EYA4: variants seen among roughly 807,000 people sequenced by gnomAD.
The protein encoded by EYA4 is EYA transcriptional coactivator and phosphatase 4, also known as protein phosphatase EYA4.
In EYA4, 31 loss-of-function variants were observed where a neutral mutation model predicts 87.9. The ratio of observed to expected loss-of-function variants is 0.35; its 90% CI spans 0.27 to 0.48. The LOEUF is 0.48. EYA4 is among the 20% of genes least tolerant of loss of function. The pLI, the probability that EYA4 is intolerant of heterozygous loss-of-function variation, is 0.99. For synonymous variants in EYA4, 263 were observed against 270.6 expected, an observed-to-expected ratio of 0.97 and a Z score of 0.28; for missense variants, 678 against 761.4, an observed-to-expected ratio of 0.89 and a Z score of 1.29.
intron 2 of EYA4, chr6:133,363,047 C>T (rs958776869): frequency 1.3e-5 from 2 of 152,238 alleles, no homozygotes; most frequent in East Asian, 1.9e-4. Flanking sequence ...CTGCCCAGTC[C>T]GATGAAGGAG....
chr6:133,421,273 A>G (rs1790197401), intron 3 of EYA4, among the ~76,000 whole-genome samples: 1 of 152,218 alleles, frequency 6.6e-6, no homozygotes, highest in Non-Finnish European at 1.5e-5. Context: ...TTCCAGCATC[A>G]GTGTCATTCA....
rs146887141 is a variant in EYA4, at chr6:133,383,985, A to C, written c.83+1544A>C. Among the ~76,000 whole-genome samples the C allele has an allele frequency of 6.0e-4, 91 of 152,296 alleles. 2 individuals are homozygous for C. Among genetic ancestry groups the C allele is most frequent in the Non-Finnish European group, 1.5e-5 (1 of 68,016 alleles). ...TTGCTTTTTAAGGATGATATATGTA[A>C]TTAGATAATTTTTGCAAGCAGCTGG... On this transcript the variant is annotated intron_variant, in intron 3 of 19. Coordinates refer to ENST00000355286, the MANE Select transcript of EYA4 (RefSeq NM_004100.5).
intron 1 of EYA4, among the ~76,000 whole-genome samples, chr6:133,259,016 A>C (rs965086225): frequency 6.6e-6 from 1 of 152,136 alleles, no homozygotes; most frequent in Admixed American, 6.6e-5. Flanking sequence ...TAAATGTGAT[A>C]CTTTGGTATA....
In EYA4 at chr6:133,315,949, A is replaced by C. The variant is rs79813450; in HGVS notation, c.33+41136A>C. On this transcript the variant is annotated intron_variant, in intron 2 of 19. Transcript: ENST00000355286. Reference sequence around the variant, plus strand: ...GGAACAGAGTGTTTTTTGAAGTGTCAGCAGCAAGGTCTGGCTAATGGGAGC... The same window carrying C: ...GGAACAGAGTGTTTTTTGAAGTGTCCGCAGCAAGGTCTGGCTAATGGGAGC... Among the ~76,000 whole-genome samples, 890 of 152,262 alleles carry C rather than the reference A, an allele frequency of 5.8e-3. 13 individuals are homozygous for C. The highest frequency in any genetic ancestry group is 0.02 in the African/African-American group (846 of 41,556).
intron 1 of EYA4, among the ~76,000 whole-genome samples, chr6:133,253,961 G>T (rs575557833): frequency 6.6e-6 from 1 of 152,234 alleles, no homozygotes; most frequent in South Asian, 2.1e-4. Context: ...AAGGGCATTA[G>T]GTCCCAAACC....
chr6:133,302,149 G>C (rs1243865014), intron 2 of EYA4, among the ~76,000 whole-genome samples: 2 of 152,196 alleles, frequency 1.3e-5, no homozygotes, highest in Non-Finnish European at 2.9e-5. Flanking sequence ...TACGCAGTGT[G>C]AACACTGGGG....
intron 3 of EYA4, among the ~76,000 whole-genome samples, chr6:133,433,420 T>C (rs1033499995): frequency 6.6e-6 from 1 of 152,250 alleles, no homozygotes; most frequent in Admixed American, 6.5e-5. Flanking sequence ...CCCGATGAAC[T>C]GATATAAATC....
chr6:133,463,059 G>A (rs1017948192), intron 9 of EYA4, among the ~76,000 whole-genome samples: 7 of 152,094 alleles, frequency 4.6e-5, no homozygotes, highest in South Asian at 2.1e-4. Context: ...CACATTTGGC[G>A]TCTACTTAAG....
intron 2 of EYA4, among the ~76,000 whole-genome samples, chr6:133,350,440 A>G (rs553793286): frequency 1.3e-5 from 2 of 152,234 alleles, no homozygotes; most frequent in African/African-American, 2.4e-5. Flanking sequence ...TGATGAGGGT[A>G]TGTTTGAAAT....
At chr6:133,400,402 G>A (rs541712801) in intron 3 of EYA4, among the ~76,000 whole-genome samples, 3 of 151,896 alleles carry the variant, frequency 2.0e-5, no homozygotes, top group Admixed American at 6.6e-5. Flanking sequence ...CAGCTACTCC[G>A]GAGGATGAGG....
chr6:133,323,487 C>T (rs112959366), intron 2 of EYA4, among the ~76,000 whole-genome samples: 33 of 152,142 alleles, frequency 2.2e-4, no homozygotes, highest in African/African-American at 7.2e-4. Context: ...TGAAAAATTG[C>T]GTAAACTTTG....
At chr6:133,343,453 G>C (rs2128410867) in intron 2 of EYA4, among the ~76,000 whole-genome samples, 1 of 152,062 alleles carries the variant, frequency 6.6e-6, no homozygotes, top group Admixed American at 6.5e-5. Context: ...AGCTTCACCT[G>C]CTATCCTGGA....
At chr6:133,414,418 GA>G (rs1789524356) in intron 3 of EYA4, among the ~76,000 whole-genome samples, 1 of 152,134 alleles carries the variant, frequency 6.6e-6, no homozygotes, top group Admixed American at 6.5e-5. Flanking sequence ...AGATTACTTA[GA>G]AAAATGTATT....
At chr6:133,385,429 G>A (rs971730255) in intron 3 of EYA4, among the ~76,000 whole-genome samples, 2 of 148,770 alleles carry the variant, frequency 1.3e-5, no homozygotes, top group Admixed American at 6.8e-5. Context: ...GTGTGTGTGT[G>A]TGTGTGTGTG....
At chr6:133,469,806 A>G (rs191949994) in intron 11 of EYA4, among the ~76,000 whole-genome samples, 128 of 152,188 alleles carry the variant, frequency 8.4e-4, no homozygotes, top group African/African-American at 2.9e-3. Context: ...ATATGACATT[A>G]AAAACACAAT....
chr6:133,290,575 A>G (rs372697767), intron 2 of EYA4, among the ~76,000 whole-genome samples: 19 of 152,146 alleles, frequency 1.2e-4, no homozygotes, highest in African/African-American at 3.4e-4. Flanking sequence ...CAGGGTTTTT[A>G]GGGAGATTCT....
chr6:133,387,749 T>A (rs1786876051), intron 3 of EYA4, among the ~76,000 whole-genome samples: 1 of 152,238 alleles, frequency 6.6e-6, no homozygotes, highest in South Asian at 2.1e-4. Flanking sequence ...ATGTCATTTA[T>A]TTAACCTGAG....
At chr6:133,387,043 T>G (rs557161152) in intron 3 of EYA4, among the ~76,000 whole-genome samples, 4 of 152,286 alleles carry the variant, frequency 2.6e-5, no homozygotes, top group African/African-American at 9.6e-5. Context: ...CAAAATGACT[T>G]TCCGTTTTTT....
chr6:133,477,847 T>TATAC (rs1795877941), intron 11 of EYA4, among the ~76,000 whole-genome samples: 2 of 151,322 alleles, frequency 1.3e-5, no homozygotes, highest in African/African-American at 4.9e-5. Context: ...TATATATATA[T>TATAC]ACACACATAA....
Sources: allele counts gnomAD v4.1 joint callset (sites outside exome capture counted in the v4.1 genomes callset), GRCh38; gene constraint gnomAD v4.1.1; transcripts MANE v1.5; gene names NCBI Gene and HGNC (gene_info 2026-07-23, HGNC 2026-07-21).